GMNC: variants seen among roughly 807,000 people sequenced by gnomAD.
GMNC encodes the protein geminin coiled-coil domain-containing protein 1.
GMNC carries 16 observed loss-of-function variants against 33.6 expected under a neutral mutation model. That is an observed-to-expected ratio of 0.48 (90% CI 0.32 to 0.72). The LOEUF (loss-of-function observed/expected upper bound fraction) is 0.72. GMNC is among the 30% of genes least tolerant of loss of function. The probability of loss-of-function intolerance (pLI) is 0.03; values close to 1 mark genes in which losing one functional copy is unlikely to be tolerated. For missense variants in GMNC, 393 were observed against 388.9 expected (o/e 1.01, Z -0.09); for synonymous variants, 156 against 147.3 (o/e 1.06, Z -0.43).
In GMNC at chr3:190,860,676, G is replaced by A. The variant is rs1322040678; in HGVS notation, c.178+8C>T. On this transcript the variant is annotated splice_region_variant and intron_variant, in intron 2 of 4. Coordinates refer to ENST00000442080, the MANE Select transcript of GMNC (RefSeq NM_001146686.3). ...GATCTATCAGGGAAGCAGAAGAGCA[G>A]AACTTACCCTGTGCCTGTGGTGCTT... 1 of 1,547,492 alleles carries A rather than the reference G, an allele frequency of 6.5e-7. No individual in the cohort carries two copies. Among genetic ancestry groups the A allele is most frequent in the East Asian group, 2.4e-5 (1 of 40,850 alleles).
chr3:190,860,335 C>T (rs1737833355), intron 2 of GMNC, among the ~76,000 whole-genome samples: 1 of 152,084 alleles, frequency 6.6e-6, no homozygotes. Flanking sequence ...TCCTGAATTC[C>T]AAAAGAAGTG....
Position 190,855,472 on chromosome 3 carries a change from C to T in GMNC, c.828G>A (p.Leu276=). 6.4e-7 allele frequency: 1 copy of T among 1,552,008 alleles called. No individual in the cohort carries two copies. The highest frequency in any genetic ancestry group is 8.7e-7 in the Non-Finnish European group (1 of 1,147,000). Residue 276 remains leucine, a synonymous_variant, in exon 5 of 5, where the codon CTG becomes CTA. Transcript: ENST00000442080. ...LSQLSNPPVG[L]KTLPYYTAHV... ...GAGCAGTATAGTAAGGAAGAGTTTT[C>T]AGCCCCACTGGGGGATTTGAAAGTT...
In GMNC at chr3:190,858,999, T is replaced by G. The variant is rs1309289136; in HGVS notation, c.196A>C (p.Asn66His). 1.9e-6 allele frequency: 3 copies of G among 1,547,212 alleles called. No individual in the cohort carries two copies. The highest frequency in any genetic ancestry group is 2.6e-6 in the Non-Finnish European group (3 of 1,143,122). Residue 66 changes from asparagine to histidine, a missense_variant, in exon 3 of 5, where the codon AAT (asparagine) becomes CAT (histidine). Asn to His is a moderately conservative substitution (Grantham distance 68). Coordinates refer to ENST00000442080, the MANE Select transcript of GMNC (RefSeq NM_001146686.3). ...PQAQESFSDSNFPLPDLCSWE... is the reference protein window; with the variant it reads ...PQAQESFSDSHFPLPDLCSWE... ...GAGCACAAGTCCGGAAGAGGAAAAT[T>G]TGAGTCACTGAATGATTCTGTGAAA...
downstream of GMNC, among the ~76,000 whole-genome samples, chr3:190,850,777 A>T (rs1053235993): frequency 6.6e-6 from 1 of 152,192 alleles, no homozygotes; most frequent in Non-Finnish European, 1.5e-5. Context: ...CAACATTAGC[A>T]CCAGGGTTTA....
chr3:190,858,790 CT>C (rs1257874970), intron 3 of GMNC, 137 bp downstream of exon 3: 1 of 440,508 alleles, frequency 2.3e-6, no homozygotes, highest in Non-Finnish European at 4.0e-6. Context: ...TAACTTTGAT[CT>C]CTCTTTGGAC....
chr3:190,844,761 A>G, the GMNC span, among the ~76,000 whole-genome samples: 3 of 152,134 alleles, frequency 2.0e-5, no homozygotes, highest in African/African-American at 7.2e-5. Flanking sequence ...AAGCAAATAG[A>G]GAAAGCACAA....
At chr3:190,859,312 CCAG>C (rs1336816165) in intron 2 of GMNC, among the ~76,000 whole-genome samples, 2 of 151,928 alleles carry the variant, frequency 1.3e-5, no homozygotes, top group African/African-American at 2.4e-5. Context: ...TAAAGACTGT[CCAG>C]TCTTTGTCAT....
At chr3:190,849,387 C>T (rs899932584), downstream of GMNC, among the ~76,000 whole-genome samples, 2 of 152,144 alleles carry the variant, frequency 1.3e-5, no homozygotes, top group Non-Finnish European at 2.9e-5. Flanking sequence ...AGAAGAATAA[C>T]TCTGTGGCTT....
chr3:190,849,375 G>A (rs1212480576), downstream of GMNC, among the ~76,000 whole-genome samples: 1 of 152,202 alleles, frequency 6.6e-6, no homozygotes, highest in African/African-American at 2.4e-5. Flanking sequence ...GCCAGGGGTG[G>A]AAGAAGAATA....
At chr3:190,859,745 C>T (rs1174708764) in intron 2 of GMNC, 9 of 417,602 alleles carry the variant, frequency 2.2e-5, no homozygotes, top group Non-Finnish European at 3.8e-5. Flanking sequence ...GCATACTAAC[C>T]AGGTCTACTT....
chr3:190,848,979 G>A (rs997418626), downstream of GMNC, among the ~76,000 whole-genome samples: 2 of 152,064 alleles, frequency 1.3e-5, no homozygotes, highest in African/African-American at 4.8e-5. Flanking sequence ...CATATTAAAT[G>A]GTCTTCCAGA....
intron 2 of GMNC, 66 bp from the exon 3 acceptor site, chr3:190,859,082 T>C: frequency 2.1e-6 from 2 of 957,898 alleles, no homozygotes; most frequent in South Asian, 1.5e-5. Flanking sequence ...AAGAAACTTA[T>C]CAAATCAAAT....
chr3:190,847,459 C>T, the GMNC span, among the ~76,000 whole-genome samples: 1 of 152,158 alleles, frequency 6.6e-6, no homozygotes, highest in Non-Finnish European at 1.5e-5. Context: ...AGATCATTGC[C>T]TGGGAGATGG....
chr3:190,847,420 G>A, the GMNC span, among the ~76,000 whole-genome samples: 2 of 152,190 alleles, frequency 1.3e-5, no homozygotes, highest in African/African-American at 4.8e-5. Context: ...CACACTATCA[G>A]TTGTCTAATC....
intron 2 of GMNC, 113 bp from the exon 3 acceptor site, chr3:190,859,129 A>G (rs1737809665): frequency 3.0e-6 from 2 of 665,684 alleles, no homozygotes; most frequent in Non-Finnish European, 5.1e-6. Flanking sequence ...TTTCTTAAAC[A>G]GCTATTGCTG....
At chr3:190,859,842 G>A in intron 2 of GMNC, 1 of 455,028 alleles carries the variant, frequency 2.2e-6, no homozygotes, top group South Asian at 1.6e-5. Flanking sequence ...TGATTAAAGT[G>A]AAATGATGAG....
intron 4 of GMNC, among the ~76,000 whole-genome samples, chr3:190,856,485 A>ATATT (rs1491456833): frequency 0.012 from 1,530 of 123,654 alleles, 103 homozygotes; most frequent in African/African-American, 0.035. Flanking sequence ...ATAAATATAA[A>ATATT]TATATTTATA....
intron 2 of GMNC, 78 bp downstream of exon 2, chr3:190,860,606 C>T: frequency 2.4e-6 from 3 of 1,276,044 alleles, no homozygotes; most frequent in Non-Finnish European, 3.2e-6. Flanking sequence ...TTCTAGAGTC[C>T]CAGCCCATGA....
Position 190,853,632 on chromosome 3 carries a change from C to T in GMNC, c.*1663G>A, listed in dbSNP as rs1056585865. 1.6e-4 allele frequency: 24 copies of T among 151,776 alleles called. No individual in the cohort carries two copies. The highest frequency in any genetic ancestry group is 4.4e-4 in the African/African-American group (18 of 41,308). 9.4% of individuals were successfully genotyped at this position (151,776 alleles called of 1,614,324 possible). On this transcript the variant is annotated 3_prime_UTR_variant, in exon 5 of 5. Coordinates refer to ENST00000442080, the MANE Select transcript of GMNC (RefSeq NM_001146686.3). ...AATCCTAACCAACACAGTTGACCTA[C>T]GAGATATTGATTGTGCAAGATGACT...
Sources: gnomAD v4.1 joint callset for allele counts (sites outside exome capture counted in the v4.1 genomes callset) on GRCh38, gnomAD v4.1.1 for gene constraint, MANE v1.5 for transcripts, NCBI Gene and HGNC (gene_info 2026-07-23, HGNC 2026-07-21) for gene names.